The following UBP1 variants were observed in gnomAD, a reference collection of about 807,000 sequenced individuals.
UBP1 encodes the protein upstream binding protein 1.
UBP1 carries 22 observed loss-of-function variants against 76.1 expected under a neutral mutation model. That is an observed-to-expected ratio of 0.29 (90% CI 0.21 to 0.41). The LOEUF is 0.41. Among genes scored for constraint, UBP1 ranks in the 10% least tolerant of loss-of-function variants. The pLI, the probability that UBP1 is intolerant of heterozygous loss-of-function variation, is 1.00. For synonymous variants in UBP1, 224 were observed against 237.1 expected, an observed-to-expected ratio of 0.94 and a Z score of 0.51; for missense variants, 436 against 668.1, an observed-to-expected ratio of 0.65 and a Z score of 3.83.
chr3:33,415,850 C>T (rs1409387277), intron 3 of UBP1, among the ~76,000 whole-genome samples: 1 of 152,122 alleles, frequency 6.6e-6, no homozygotes, highest in Non-Finnish European at 1.5e-5. Flanking sequence ...TTCCAAAGCA[C>T]CTTTGGTAAC....
At chr3:33,431,971 T>C (rs952131046) in intron 1 of UBP1, among the ~76,000 whole-genome samples, 8 of 152,134 alleles carry the variant, frequency 5.3e-5, no homozygotes, top group Non-Finnish European at 1.0e-4. Flanking sequence ...ATTAACAAAA[T>C]CTGAATACTC....
At chr3:33,390,989 CACAAA>C (rs1385725374) in intron 15 of UBP1, 1 of 152,122 alleles carries the variant, frequency 6.6e-6, no homozygotes, top group African/African-American at 2.4e-5. Context: ...CTGCTGGTTT[CACAAA>C]ACAAAACTAT....
At chr3:33,424,768 G>A (rs917533934) in intron 2 of UBP1, among the ~76,000 whole-genome samples, 4 of 152,160 alleles carry the variant, frequency 2.6e-5, no homozygotes, top group Admixed American at 1.3e-4. Context: ...AAACTCGGCC[G>A]GGTGCAATGG....
chr3:33,399,638 T>C (rs775397216), intron 11 of UBP1, among the ~76,000 whole-genome samples: 2 of 152,134 alleles, frequency 1.3e-5, no homozygotes, highest in Non-Finnish European at 2.9e-5. Flanking sequence ...TGCCAAGGAC[T>C]AGGGATGGTG....
chr3:33,394,563 C>T (rs533882210), intron 13 of UBP1, among the ~76,000 whole-genome samples: 1 of 152,320 alleles, frequency 6.6e-6, no homozygotes, highest in Admixed American at 6.5e-5. Flanking sequence ...CAGCAGACAT[C>T]TGCACAGTGC....
chr3:33,392,128 T>C (rs1423890430), intron 15 of UBP1: 2 of 154,034 alleles, frequency 1.3e-5, no homozygotes, highest in East Asian at 1.9e-4. Flanking sequence ...CAGTTTCATA[T>C]TCCCCTCAAC....
At chr3:33,417,384 C>A (rs570547360) in intron 2 of UBP1, among the ~76,000 whole-genome samples, 1 of 147,782 alleles carries the variant, frequency 6.8e-6, no homozygotes, top group African/African-American at 2.5e-5. Flanking sequence ...CAGAATCATA[C>A]AATATGTGGG....
intron 2 of UBP1, 55 bp downstream of exon 2, chr3:33,425,535 T>C: frequency 6.9e-7 from 1 of 1,452,666 alleles, no homozygotes; most frequent in Non-Finnish European, 9.3e-7. Context: ...TGCCAAAATA[T>C]TATTTTGTAT....
intron 10 of UBP1, 81 bp downstream of exon 10, chr3:33,400,880 CT>C: frequency 7.5e-7 from 1 of 1,341,654 alleles, no homozygotes; most frequent in South Asian, 1.3e-5. Flanking sequence ...TTCTCACCTA[CT>C]CCATACATTT....
intron 1 of UBP1, among the ~76,000 whole-genome samples, chr3:33,426,052 C>A (rs940231): frequency 0.4 from 43,622 of 109,340 alleles, 10,147 homozygotes; most frequent in East Asian, 0.65. Flanking sequence ...ACTTTAAAAA[C>A]TTCTTTTAAA....
intron 5 of UBP1, among the ~76,000 whole-genome samples, chr3:33,410,393 AT>A (rs1354108294): frequency 3.9e-5 from 6 of 152,218 alleles, no homozygotes; most frequent in Non-Finnish European, 8.8e-5. Flanking sequence ...TATCACTTTG[AT>A]TTACTACATA....
chr3:33,440,719 C>T (rs752454515), upstream of UBP1: 3 of 152,358 alleles, frequency 2.0e-5, no homozygotes, highest in Non-Finnish European at 4.4e-5. Flanking sequence ...TCTGTGTCCC[C>T]CGACTAAACA....
At chr3:33,433,367 A>T (rs993710671) in intron 1 of UBP1, among the ~76,000 whole-genome samples, 3,521 of 50,694 alleles carry the variant, frequency 0.069, 51 homozygotes, top group African/African-American at 0.33. Context: ...CCAGCCTTTA[A>T]AAAAAAAAAA....
At chr3:33,397,582 T>C (rs1156524665) in intron 11 of UBP1, 1 of 152,600 alleles carries the variant, frequency 6.6e-6, no homozygotes, top group Non-Finnish European at 1.5e-5. Flanking sequence ...GCCTAAAGTC[T>C]GTAAGAGTTG....
chr3:33,392,963 T>C (rs905504639), intron 14 of UBP1: 2 of 313,650 alleles, frequency 6.4e-6, no homozygotes, highest in Non-Finnish European at 1.2e-5. Context: ...ATATCTTACA[T>C]GTTTTTTTAA....
intron 1 of UBP1, among the ~76,000 whole-genome samples, chr3:33,433,365 TAAAAAAAAAAAAAAAA>T (rs1170395728): frequency 8.8e-6 from 1 of 113,086 alleles, no homozygotes; most frequent in South Asian, 2.9e-4. Context: ...ACCCAGCCTT[TAAAAAAAAAAAAAAAA>T]AAAAAAAAGA....
intron 11 of UBP1, among the ~76,000 whole-genome samples, chr3:33,399,411 A>G (rs111865614): frequency 0.013 from 2,015 of 152,336 alleles, 18 homozygotes; most frequent in South Asian, 0.026. Flanking sequence ...TGCAAGAAAA[A>G]AAACTTACCC....
At chr3:33,390,628 G>T in intron 15 of UBP1, 1 of 531,324 alleles carries the variant, frequency 1.9e-6, no homozygotes, top group Non-Finnish European at 3.4e-6. Flanking sequence ...CAGTTCTGGG[G>T]GTAGGGGGAC....
Position 33,440,018 on chromosome 3 carries a change from C to A in UBP1, c.-170G>T, listed in dbSNP as rs1017913571. 22 of 589,358 alleles carry A rather than the reference C, an allele frequency of 3.7e-5. No homozygotes were observed. The highest frequency in any genetic ancestry group is 5.0e-5 in the Non-Finnish European group (18 of 361,280). 36.5% of individuals were successfully genotyped at this position (589,358 alleles called of 1,614,324 possible). A position where few individuals can be genotyped will look rare whatever the true frequency, so the allele number is the denominator to read the frequency against. ...AGCTGCGGGGGCCCCACTGGCAGGG[C>A]ACGACGAGCCCAGCGAGCAATTGCA... On this transcript the variant is annotated 5_prime_UTR_variant, in exon 1 of 16. Transcript: ENST00000283629.
Sources: allele counts gnomAD v4.1 joint callset (sites outside exome capture counted in the v4.1 genomes callset), GRCh38; gene constraint gnomAD v4.1.1; transcripts MANE v1.5; gene names NCBI Gene and HGNC (gene_info 2026-07-23, HGNC 2026-07-21).